The following ZNF280D variants were observed in gnomAD, a reference collection of about 807,000 sequenced individuals.
The protein encoded by ZNF280D is zinc finger protein 280D.
In ZNF280D, 39 loss-of-function variants were observed where a neutral mutation model predicts 94.7. The ratio of observed to expected loss-of-function variants is 0.41; its 90% CI spans 0.32 to 0.54. ZNF280D has a LOEUF of 0.54. Among genes scored for constraint, ZNF280D ranks in the 20% least tolerant of loss-of-function variants. The probability of loss-of-function intolerance (pLI) is 0.22; values close to 1 mark genes in which losing one functional copy is unlikely to be tolerated. For synonymous variants in ZNF280D, 398 were observed against 377.6 expected, an observed-to-expected ratio of 1.05 and a Z score of -0.63; for missense variants, 1,090 against 1,149.3, an observed-to-expected ratio of 0.95 and a Z score of 0.75.
chr15:56,643,975 G>C (rs2052756994), intron 19 of ZNF280D, among the ~76,000 whole-genome samples: 1 of 151,834 alleles, frequency 6.6e-6, no homozygotes, highest in African/African-American at 2.4e-5. Context: ...AAACAGAGTT[G>C]GCAAAACCCT....
chr15:56,636,721 T>G (rs2052373385), intron 20 of ZNF280D, among the ~76,000 whole-genome samples: 1 of 152,052 alleles, frequency 6.6e-6, no homozygotes, highest in Non-Finnish European at 1.5e-5. Context: ...TGACCTCAGG[T>G]GATCCACCCA....
rs967915764 is a variant in ZNF280D at position 56,635,010 on chromosome 15, G to T, written c.2315+185C>A. On this transcript the variant is annotated intron_variant, in intron 21 of 21. Coordinates refer to ENST00000267807, the MANE Select transcript of ZNF280D (RefSeq NM_017661.4). Reference sequence around the variant, plus strand: ...ATGTTTAAAAGATTTAAAAACAAAGGATATAGAGAATATTTTTCTTGGATT... The same window carrying T: ...ATGTTTAAAAGATTTAAAAACAAAGTATATAGAGAATATTTTTCTTGGATT... 3.3e-5 allele frequency among the ~76,000 whole-genome samples: 5 copies of T among 151,994 alleles called. No homozygotes were observed. The East Asian group carries it at 7.7e-4, about 23-fold the overall frequency.
At position 56,632,125 on chromosome 15, in the gene ZNF280D, G is replaced by A; in HGVS notation, c.2316-3C>T. ...AAGAAGCAGCTTTATCTTGTTTACT[G>A]AAAAATAAAGTCATTTATTATGTAT... On this transcript the variant is annotated splice_region_variant and splice_polypyrimidine_tract_variant and intron_variant, in intron 21 of 21. Coordinates refer to ENST00000267807, the MANE Select transcript of ZNF280D (RefSeq NM_017661.4). 1.3e-6 allele frequency: 2 copies of A among 1,549,838 alleles called. No homozygotes were observed. Among genetic ancestry groups the A allele is most frequent in the South Asian group, 1.2e-5 (1 of 82,068 alleles).
At chr15:56,633,160 C>T (rs1566922671) in intron 21 of ZNF280D, among the ~76,000 whole-genome samples, 1 of 152,088 alleles carries the variant, frequency 6.6e-6, no homozygotes, top group Non-Finnish European at 1.5e-5. Context: ...TACATTTAAT[C>T]TGACATTTAG....
intron 1 of ZNF280D, among the ~76,000 whole-genome samples, chr15:56,718,595 T>C (rs1437950270): frequency 6.6e-6 from 1 of 152,220 alleles, no homozygotes; most frequent in African/African-American, 2.4e-5. Flanking sequence ...TTAAAAGCTT[T>C]AATACGAAAG....
At position 56,669,069 on chromosome 15, in the gene ZNF280D, C is replaced by A. The variant is rs1278683871; in HGVS notation, c.1411-112G>T. The A allele has an allele frequency of 5.2e-6, 5 of 959,764 alleles. No individual in the cohort carries two copies. In the Admixed American group the frequency reaches 9.0e-5, roughly 17 times the overall value. The allele number at this position is 959,764 out of a possible 1,614,324, so 59.5% of individuals were successfully genotyped here. ...GATACCTAAATAATGTAAAAACTTG[C>A]GGTTTAACATCTCCTATCATAATAA... On this transcript the variant is annotated intron_variant, in intron 13 of 21. Coordinates refer to ENST00000267807, the MANE Select transcript of ZNF280D (RefSeq NM_017661.4).
rs550685396 is a variant in ZNF280D at position 56,667,588 on chromosome 15, T to C, written c.1546-602A>G. On this transcript the variant is annotated intron_variant, in intron 14 of 21. Coordinates refer to ENST00000267807, the MANE Select transcript of ZNF280D (RefSeq NM_017661.4). ...TTAGTATTCAGAATGAGAAAATGTTTAATTTCATCTGTTGGTTGACAATGA... is the reference window on the plus strand; with the variant it reads ...TTAGTATTCAGAATGAGAAAATGTTCAATTTCATCTGTTGGTTGACAATGA... 2.6e-5 allele frequency among the ~76,000 whole-genome samples: 4 copies of C among 152,334 alleles called. No individual in the cohort carries two copies. In the South Asian group the frequency reaches 8.3e-4, roughly 32 times the overall value.
chr15:56,636,880 A>G (rs2052381093), intron 20 of ZNF280D, among the ~76,000 whole-genome samples: 1 of 152,118 alleles, frequency 6.6e-6, no homozygotes, highest in African/African-American at 2.4e-5. Flanking sequence ...TCGGCCTCCC[A>G]AAGTGCTGGG....
intron 9 of ZNF280D, among the ~76,000 whole-genome samples, chr15:56,688,445 C>G (rs1233048990): frequency 7.0e-6 from 1 of 142,902 alleles, no homozygotes; most frequent in Non-Finnish European, 1.5e-5. Flanking sequence ...CCCCAGAGAT[C>G]TGCCACTGCA....
intron 13 of ZNF280D, among the ~76,000 whole-genome samples, chr15:56,676,403 C>A (rs1277522074): frequency 6.6e-6 from 1 of 152,094 alleles, no homozygotes; most frequent in East Asian, 1.9e-4. Flanking sequence ...ATATTCCACT[C>A]AACTTTTTCT....
intron 1 of ZNF280D, among the ~76,000 whole-genome samples, chr15:56,708,358 C>T (rs1373567892): frequency 6.6e-6 from 1 of 152,092 alleles, no homozygotes; most frequent in African/African-American, 2.4e-5. Flanking sequence ...TCTTTTAACT[C>T]AATTTTTGAA....
At chr15:56,653,177 C>A (rs2053311559) in intron 19 of ZNF280D, 1 of 1,033,150 alleles carries the variant, frequency 9.7e-7, no homozygotes, top group Non-Finnish European at 1.2e-6. Context: ...GGTTTCCTAA[C>A]AACTAGAGTT....
Position 56,682,306 on chromosome 15 carries a change from G to A in ZNF280D, c.952C>T (p.His318Tyr). ...CAACTGAAGCATTTAAAGGTTGTGT[G>A]AGTCTTCTGTTCCTCCTGGACATCT... is the stretch of plus-strand genomic sequence containing the variant. ...EGDVQEEQKT[H>Y]TTFKCFSCLK... The change falls in exon 10 of 22, where the codon CAC (histidine) becomes TAC (tyrosine). Residue 318 changes from histidine to tyrosine, a missense_variant. Physicochemically the swap from His to Tyr is moderately conservative, Grantham distance 83. Transcript: ENST00000267807. The A allele has an allele frequency of 6.3e-7, 1 of 1,590,342 alleles. No homozygotes were observed. The highest frequency in any genetic ancestry group is 8.5e-7 in the Non-Finnish European group (1 of 1,173,378).
chr15:56,732,769 G>A (rs2058961102), intron 1 of ZNF280D: 1 of 152,198 alleles, frequency 6.6e-6, no homozygotes, highest in South Asian at 2.1e-4. Context: ...CGCTGGAGCA[G>A]GCTAAAACCT....
Position 56,648,387 on chromosome 15 carries a change from T to C in ZNF280D, c.2214-5390A>G, listed in dbSNP as rs536160335. 1.2e-4 allele frequency among the ~76,000 whole-genome samples: 19 copies of C among 152,124 alleles called. No individual in the cohort carries two copies. The South Asian group carries it at 3.1e-3, about 25-fold the overall frequency. On this transcript the variant is annotated intron_variant, in intron 19 of 21. Coordinates refer to ENST00000267807, the MANE Select transcript of ZNF280D (RefSeq NM_017661.4). ...CTAGATTACTGTCCCAATCGTATGA[T>C]TGTGTCAGTTGCTGCCTACCCTTCT...
chr15:56,709,294 G>C (rs1213912166), intron 1 of ZNF280D, among the ~76,000 whole-genome samples: 22 of 151,866 alleles, frequency 1.4e-4, no homozygotes, highest in Non-Finnish European at 2.6e-4. Context: ...AAATGCAAGC[G>C]AAAACCACAA....
intron 1 of ZNF280D, among the ~76,000 whole-genome samples, chr15:56,712,370 G>A (rs1421552727): frequency 6.6e-6 from 1 of 151,954 alleles, no homozygotes; most frequent in East Asian, 1.9e-4. Flanking sequence ...GCTGGGCATA[G>A]TGGCTCATGC....
intron 9 of ZNF280D, among the ~76,000 whole-genome samples, chr15:56,685,716 A>G (rs1270315068): frequency 6.6e-6 from 1 of 152,210 alleles, no homozygotes; most frequent in Non-Finnish European, 1.5e-5. Context: ...GGAGTTATAC[A>G]TTAAAATTAG....
chr15:56,700,234 G>A (rs2056983284), intron 6 of ZNF280D: 2 of 929,226 alleles, frequency 2.2e-6, no homozygotes, highest in Non-Finnish European at 2.6e-6. Flanking sequence ...TAAACTATGG[G>A]TTAGGCTGGA....
Sources: gnomAD v4.1 joint callset for allele counts (sites outside exome capture counted in the v4.1 genomes callset) on GRCh38, gnomAD v4.1.1 for gene constraint, MANE v1.5 for transcripts, NCBI Gene and HGNC (gene_info 2026-07-23, HGNC 2026-07-21) for gene names.